The following CDKN3 variants were observed in gnomAD, a reference collection of about 807,000 sequenced individuals.
CDKN3 encodes cyclin-dependent kinase inhibitor 3.
In CDKN3, 19 loss-of-function variants were observed where a neutral mutation model predicts 36.1. That is an observed-to-expected ratio of 0.53 (90% confidence interval 0.37 to 0.77). CDKN3 has a LOEUF of 0.77. Ranked by LOEUF, CDKN3 falls within the 30% of genes least tolerant of loss-of-function variation. The probability of loss-of-function intolerance (pLI) is 0.00; values close to 1 mark genes in which losing one functional copy is unlikely to be tolerated. For missense variants in CDKN3, 188 were observed against 248.6 expected, an observed-to-expected ratio of 0.76 and a Z score of 1.64; for synonymous variants, 71 against 85.3, an observed-to-expected ratio of 0.83 and a Z score of 0.92.
chr14:54,397,097 G>A lies in CDKN3; in HGVS notation c.9+20G>A, dbSNP rs1369195018. The stretch of plus-strand genomic sequence containing the variant: ...AAGCCGGTGAGTCGGACGTGCTGGG[G>A]TTTGGAGGAGCGAGGCGGCAGGGAC... On this transcript the variant is annotated intron_variant, in intron 1 of 7. Coordinates refer to ENST00000335183, the MANE Select transcript of CDKN3 (RefSeq NM_005192.4). The A allele has an allele frequency of 1.1e-5, 17 of 1,499,184 alleles. No individual in the cohort carries two copies. Among genetic ancestry groups the A allele is most frequent in the Middle Eastern group, 3.5e-4 (2 of 5,728 alleles). 92.9% of individuals were successfully genotyped at this position (1,499,184 alleles called of 1,614,324 possible). A position where few individuals can be genotyped will look rare whatever the true frequency, so the allele number is the denominator to read the frequency against.
Position 54,401,581 on chromosome 14 carries a change from T to C in CDKN3, c.148+2T>C. ...TTCTCGGTTTATGTGCTCTTCCAGGTGGGTAACACAATAATGGGCTTCCTA... is the reference window on the plus strand; with the variant it reads ...TTCTCGGTTTATGTGCTCTTCCAGGCGGGTAACACAATAATGGGCTTCCTA... On this transcript the variant is annotated splice_donor_variant, in intron 3 of 7. Transcript: ENST00000335183. LOFTEE classifies it high-confidence loss of function. 6.3e-7 allele frequency: 1 copy of C among 1,597,018 alleles called. No individual in the cohort carries two copies. Among genetic ancestry groups the C allele is most frequent in the Non-Finnish European group, 8.6e-7 (1 of 1,166,782 alleles).
At chr14:54,408,835 A>G in intron 4 of CDKN3, 46 bp downstream of exon 4, 2 of 1,501,508 alleles carry the variant, frequency 1.3e-6, no homozygotes, top group South Asian at 2.8e-5. Flanking sequence ...TTTTAAATGA[A>G]TAGCATTGAA....
At position 54,408,856 on chromosome 14, in the gene CDKN3, T is replaced by C. The variant is rs935727581; in HGVS notation, c.193+67T>C. The C allele has an allele frequency of 2.0e-6, 3 of 1,475,650 alleles. No individual in the cohort carries two copies. In the African/African-American group the frequency reaches 4.4e-5, roughly 22 times the overall value. The allele number at this position is 1,475,650 out of a possible 1,614,324, so 91.4% of individuals were successfully genotyped here. A position where few individuals can be genotyped will look rare whatever the true frequency, so the allele number is the denominator to read the frequency against. ...ATGAATAGCATTGAAAAACTCTCTG[T>C]CAAAAAGAACAAATCAGTTTTTTTT... On this transcript the variant is annotated intron_variant, in intron 4 of 7. Coordinates refer to ENST00000335183, the MANE Select transcript of CDKN3 (RefSeq NM_005192.4).
chr14:54,409,397 A>C (rs1347251762), intron 4 of CDKN3, among the ~76,000 whole-genome samples: 1 of 152,218 alleles, frequency 6.6e-6, no homozygotes, highest in African/African-American at 2.4e-5. Flanking sequence ...GGAATGTCTC[A>C]AACCTACTAG....
chr14:54,413,751 G>A (rs2030438336), intron 5 of CDKN3: 3 of 1,502,146 alleles, frequency 2.0e-6, no homozygotes, highest in South Asian at 2.5e-5. Flanking sequence ...GTCTACCAGT[G>A]CTGTCTCACT....
At chr14:54,412,382 A>AG (rs1231635672) in intron 5 of CDKN3, among the ~76,000 whole-genome samples, 2 of 78,220 alleles carry the variant, frequency 2.6e-5, no homozygotes, top group African/African-American at 4.5e-5. Flanking sequence ...GACCCCATCT[A>AG]GAAAAAAAAA....
intron 3 of CDKN3, among the ~76,000 whole-genome samples, chr14:54,407,138 C>T (rs1376912658): frequency 1.3e-5 from 2 of 152,216 alleles, no homozygotes; most frequent in Non-Finnish European, 2.9e-5. Flanking sequence ...TCGAGGTCCA[C>T]TCCAGACCCT....
intron 2 of CDKN3, among the ~76,000 whole-genome samples, chr14:54,400,559 AC>A (rs1377370904): frequency 3.3e-5 from 5 of 152,200 alleles, no homozygotes; most frequent in African/African-American, 1.2e-4. Flanking sequence ...TTATGGTTAT[AC>A]CAGATTCTTT....
rs4251665 is a variant in CDKN3, at chr14:54,418,120, A to T, written c.552+169A>T. On this transcript the variant is annotated intron_variant, in intron 7 of 7. Coordinates refer to ENST00000335183, the MANE Select transcript of CDKN3 (RefSeq NM_005192.4). ...TTGCTTATGCTTTTAGTTTTTAAAA[A>T]TTTACAAGTAAATATAATCCAGGTA... 559 of 693,902 alleles carry T rather than the reference A, an allele frequency of 8.1e-4. No homozygotes were observed. The Middle Eastern group carries it at 0.015, about 19-fold the overall frequency. 43.0% of individuals were successfully genotyped at this position (693,902 alleles called of 1,614,324 possible).
intron 3 of CDKN3, among the ~76,000 whole-genome samples, chr14:54,406,458 C>T (rs2030162749): frequency 6.6e-6 from 1 of 152,148 alleles, no homozygotes; most frequent in African/African-American, 2.4e-5. Context: ...CCATTCTCCC[C>T]GTCACTTTCA....
At chr14:54,397,959 C>T (rs923750876) in intron 1 of CDKN3, among the ~76,000 whole-genome samples, 16 of 152,158 alleles carry the variant, frequency 1.1e-4, no homozygotes, top group Non-Finnish European at 1.6e-4. Flanking sequence ...GGTGAAACCC[C>T]GTCTCTACTA....
At chr14:54,403,678 G>A (rs1457037129) in intron 3 of CDKN3, among the ~76,000 whole-genome samples, 2 of 152,130 alleles carry the variant, frequency 1.3e-5, no homozygotes, top group Non-Finnish European at 2.9e-5. Context: ...CTGTGGGTTT[G>A]TCATAAATAG....
At chr14:54,402,403 TTTTTC>T (rs1346555533) in intron 3 of CDKN3, among the ~76,000 whole-genome samples, 1 of 152,128 alleles carries the variant, frequency 6.6e-6, no homozygotes, top group Non-Finnish European at 1.5e-5. Context: ...GATGTTTGTT[TTTTTC>T]TTGTAAATTT....
chr14:54,409,796 A>T (rs2030287723), intron 4 of CDKN3, among the ~76,000 whole-genome samples: 1 of 151,644 alleles, frequency 6.6e-6, no homozygotes, highest in Non-Finnish European at 1.5e-5. Context: ...TGGTGCTGAG[A>T]TCACAAGGTC....
intron 5 of CDKN3, 143 bp downstream of exon 5, chr14:54,411,849 C>G (rs2030368283): frequency 1.4e-6 from 1 of 704,986 alleles, no homozygotes. Flanking sequence ...AAAGCACTGG[C>G]ACAATGTCTG....
At chr14:54,398,395 T>C (rs1245729896) in intron 1 of CDKN3, among the ~76,000 whole-genome samples, 1 of 152,162 alleles carries the variant, frequency 6.6e-6, no homozygotes, top group Non-Finnish European at 1.5e-5. Context: ...CTTTCCTTCT[T>C]TCTTGGGATC....
chr14:54,409,957 C>A (rs191324882), intron 4 of CDKN3, among the ~76,000 whole-genome samples: 1 of 152,056 alleles, frequency 6.6e-6, no homozygotes, highest in Admixed American at 6.6e-5. Flanking sequence ...GATAGTTGAC[C>A]CTTATAGTAT....
chr14:54,401,572 T>C lies in CDKN3; in HGVS notation c.141T>C (p.Ala47=). 1 of 1,606,658 alleles carries C rather than the reference T, an allele frequency of 6.2e-7. No individual in the cohort carries two copies. The highest frequency in any genetic ancestry group is 1.1e-5 in the South Asian group (1 of 90,142). The change falls in exon 3 of 8, where the codon GCT becomes GCC. Residue 47 remains alanine (A), a synonymous_variant. Coordinates refer to ENST00000335183, the MANE Select transcript of CDKN3 (RefSeq NM_005192.4). ...VNCSQFLGLC[A]LPGCKFKDVR... ...GTTCTCAGTTTCTCGGTTTATGTGC[T>C]CTTCCAGGTGGGTAACACAATAATG...
At chr14:54,412,884 T>G (rs964565116) in intron 5 of CDKN3, 2 of 516,922 alleles carry the variant, frequency 3.9e-6, no homozygotes, top group African/African-American at 3.8e-5. Flanking sequence ...CCCAAGTTCC[T>G]TAAGGACATT....
Sources: gnomAD v4.1 joint callset for allele counts (sites outside exome capture counted in the v4.1 genomes callset) on GRCh38, gnomAD v4.1.1 for gene constraint, MANE v1.5 for transcripts, NCBI Gene and HGNC (gene_info 2026-07-23, HGNC 2026-07-21) for gene names.